MCF2L2: variants seen among roughly 807,000 people sequenced by gnomAD.
MCF2L2 encodes the protein MCF.2 cell line derived transforming sequence-like 2.
MCF2L2 carries 102 observed loss-of-function variants against 150.2 expected under a neutral mutation model. That is an observed-to-expected ratio of 0.68 (90% CI 0.58 to 0.80). The LOEUF is 0.80. Ranked by LOEUF, MCF2L2 falls within the 30% of genes least tolerant of loss-of-function variation. MCF2L2 has a pLI of 0.00. For synonymous variants in MCF2L2, 465 were observed against 491.3 expected (o/e 0.95, Z 0.71); for missense variants, 1,256 against 1,372.8 (o/e 0.91, Z 1.34).
rs139044481 is a variant in MCF2L2 at position 183,222,255 on chromosome 3, G to T, written c.2301+1091C>A. Among the ~76,000 whole-genome samples, 557 of 152,264 alleles carry T rather than the reference G, an allele frequency of 3.7e-3. 4 individuals are homozygous for T. The highest frequency in any genetic ancestry group is 0.011 in the African/African-American group (453 of 41,554). On this transcript the variant is annotated intron_variant, in intron 20 of 29. Transcript: ENST00000328913. ...CAGTTTCTTCACAGTCCAGAGCATG[G>T]CTGGTATGTCTGATTGTGGAGATTA...
chr3:183,253,884 G>A (rs1724752788), intron 15 of MCF2L2: 1 of 152,290 alleles, frequency 6.6e-6, no homozygotes, highest in South Asian at 2.1e-4. Context: ...CCGCGGCCGA[G>A]GCCTCTCTGG....
chr3:183,351,464 G>A (rs1711503483), intron 3 of MCF2L2, among the ~76,000 whole-genome samples: 1 of 151,808 alleles, frequency 6.6e-6, no homozygotes, highest in Non-Finnish European at 1.5e-5. Context: ...GTCAAATGTA[G>A]GGTGACAAAC....
At chr3:183,301,692 A>G (rs1276318337) in intron 10 of MCF2L2, among the ~76,000 whole-genome samples, 1 of 151,816 alleles carries the variant, frequency 6.6e-6, no homozygotes, top group Non-Finnish European at 1.5e-5. Context: ...CTACTCTGGA[A>G]GCTGAGGCAG....
At chr3:183,264,916 T>TTC (rs1360663383) in intron 15 of MCF2L2, among the ~76,000 whole-genome samples, 2 of 152,208 alleles carry the variant, frequency 1.3e-5, no homozygotes, top group Non-Finnish European at 2.9e-5. Context: ...ATGTTCCTAC[T>TTC]TCTATTCTTT....
intron 25 of MCF2L2, among the ~76,000 whole-genome samples, chr3:183,196,949 A>G (rs1212781500): frequency 6.6e-6 from 1 of 152,170 alleles, no homozygotes. Flanking sequence ...TCATATCTTC[A>G]TAACAAACTT....
chr3:183,339,737 T>C (rs1329277307), intron 4 of MCF2L2, among the ~76,000 whole-genome samples: 1 of 151,910 alleles, frequency 6.6e-6, no homozygotes, highest in Non-Finnish European at 1.5e-5. Context: ...TTCCAGTGGT[T>C]CCCCCAAAGC....
chr3:183,309,651 G>A, intron 10 of MCF2L2, 65 bp downstream of exon 10: 1 of 1,607,270 alleles, frequency 6.2e-7, no homozygotes, highest in South Asian at 1.1e-5. Context: ...AGCAATGACT[G>A]GACATGATCC....
intron 21 of MCF2L2, among the ~76,000 whole-genome samples, chr3:183,216,578 ATATTTTTTTTTTTTTTTTTTTTTT>A (rs1286240710): frequency 0.17 from 1,122 of 6,748 alleles, 40 homozygotes; most frequent in Non-Finnish European, 0.26. Flanking sequence ...ATATATATAT[ATATTTTTTTTTTTTTTTTTTTTTT>A]TTTTTTTTTT....
At chr3:183,427,809 G>T in intron 1 of MCF2L2, 93 bp downstream of exon 1, 1 of 1,094,458 alleles carries the variant, frequency 9.1e-7, no homozygotes, top group Non-Finnish European at 1.4e-6. Flanking sequence ...GCGCTGCCCC[G>T]GGGCAGCGGG....
At chr3:183,274,444 T>C (rs1332450511) in intron 15 of MCF2L2, among the ~76,000 whole-genome samples, 1 of 152,214 alleles carries the variant, frequency 6.6e-6, no homozygotes, top group African/African-American at 2.4e-5. Context: ...GAGTGTCTGG[T>C]GCTTCGATAT....
chr3:183,336,482 T>G (rs566252325), intron 5 of MCF2L2, among the ~76,000 whole-genome samples: 1 of 152,270 alleles, frequency 6.6e-6, no homozygotes, highest in East Asian at 1.9e-4. Context: ...TGGACTAAAA[T>G]GCTTAAATTT....
chr3:183,349,562 CACA>C (rs898925130), intron 3 of MCF2L2, among the ~76,000 whole-genome samples: 38 of 152,342 alleles, frequency 2.5e-4, no homozygotes, highest in African/African-American at 8.4e-4. Flanking sequence ...GAACGTCAAA[CACA>C]ACAACAATCA....
At chr3:183,420,535 G>A (rs61009958) in intron 1 of MCF2L2, among the ~76,000 whole-genome samples, 10,196 of 152,202 alleles carry the variant, frequency 0.067, 1,164 homozygotes, top group African/African-American at 0.23. Flanking sequence ...GGAGTGGGAG[G>A]TTGCAGTGTG....
intron 14 of MCF2L2, among the ~76,000 whole-genome samples, chr3:183,288,527 G>C (rs527789121): frequency 6.6e-6 from 1 of 150,568 alleles, no homozygotes; most frequent in East Asian, 2.0e-4. Flanking sequence ...TGTTGCCCAG[G>C]CTGGAGTACA....
chr3:183,178,467 CG>C lies in MCF2L2; in HGVS notation c.*912del, dbSNP rs1721390118. 9.5e-6 allele frequency: 1 copy of C among 105,566 alleles called. No individual in the cohort carries two copies. Among genetic ancestry groups the C allele is most frequent in the Non-Finnish European group, 2.0e-5 (1 of 49,350 alleles). 6.5% of individuals were successfully genotyped at this position (105,566 alleles called of 1,614,324 possible). ...TGGGCGACAGAGCGAGACTCCGTCTCGAAAAATAAATAAATAAATAAATAAA... is the reference window on the plus strand; with the variant it reads ...TGGGCGACAGAGCGAGACTCCGTCTCAAAAATAAATAAATAAATAAATAAA... On this transcript the variant is annotated 3_prime_UTR_variant, in exon 30 of 30. Transcript: ENST00000328913.
intron 25 of MCF2L2, among the ~76,000 whole-genome samples, chr3:183,198,673 G>A (rs1722155119): frequency 6.6e-6 from 1 of 152,160 alleles, no homozygotes; most frequent in Non-Finnish European, 1.5e-5. Context: ...TATGTCCCCA[G>A]GACTAACCCT....
At chr3:183,377,744 G>A (rs1473710904) in intron 3 of MCF2L2, 1 of 152,224 alleles carries the variant, frequency 6.6e-6, no homozygotes, top group Non-Finnish European at 1.5e-5. Flanking sequence ...TGAGGTCAGA[G>A]TTGAGGGTTG....
intron 3 of MCF2L2, among the ~76,000 whole-genome samples, chr3:183,358,017 G>A (rs1239786890): frequency 6.6e-6 from 1 of 152,192 alleles, no homozygotes; most frequent in Non-Finnish European, 1.5e-5. Context: ...GCCGGGTGCC[G>A]TGGCTTACAC....
chr3:183,217,511 G>A (rs567622840), intron 21 of MCF2L2, among the ~76,000 whole-genome samples: 1 of 152,032 alleles, frequency 6.6e-6, no homozygotes, highest in African/African-American at 2.4e-5. Flanking sequence ...AATACAATCT[G>A]AGTATCATAT....
Sources: gnomAD v4.1 joint callset for allele counts (sites outside exome capture counted in the v4.1 genomes callset) on GRCh38, gnomAD v4.1.1 for gene constraint, MANE v1.5 for transcripts, NCBI Gene and HGNC (gene_info 2026-07-23, HGNC 2026-07-21) for gene names.